MDGA2: variants seen among roughly 807,000 people sequenced by gnomAD.
MDGA2 encodes the protein MAM domain containing glycosylphosphatidylinositol anchor 2, also known as MAM domain-containing glycosylphosphatidylinositol anchor protein 2.
MDGA2 carries 40 observed loss-of-function variants against 117.8 expected under a neutral mutation model. The ratio of observed to expected loss-of-function variants is 0.34; its 90% CI spans 0.26 to 0.44. The LOEUF is 0.44. Ranked by LOEUF, MDGA2 falls within the 20% of genes least tolerant of loss-of-function variation. The pLI is 1.00. For synonymous variants in MDGA2, 452 were observed against 439.0 expected, an observed-to-expected ratio of 1.03 and a Z score of -0.37; for missense variants, 1,123 against 1,250.6, an observed-to-expected ratio of 0.90 and a Z score of 1.54.
In MDGA2 at chr14:47,131,822, T is replaced by C; in HGVS notation, c.817A>G (p.Lys273Glu). ...GCATAGTCCTGAGGTCGAAGATTCT[T>C]TAGTTTTAAGATCTTTGTTTCACCC... ...TQGETKILKL[K>E]NLRPQDYANY... The change falls in exon 5 of 17, where the codon AAG becomes GAG. Residue 273 changes from lysine to glutamate, a missense_variant. Transcript: ENST00000399232. 1 of 1,588,334 alleles carries C rather than the reference T, an allele frequency of 6.3e-7. No individual in the cohort carries two copies. Among genetic ancestry groups the C allele is most frequent in the Non-Finnish European group, 8.6e-7 (1 of 1,161,022 alleles).
Position 46,855,415 on chromosome 14 carries a change from T to C in MDGA2, c.2753-261A>G, listed in dbSNP as rs1329605244. On this transcript the variant is annotated intron_variant, in intron 14 of 16. Coordinates refer to ENST00000399232, the MANE Select transcript of MDGA2 (RefSeq NM_001113498.3). This position sits in a 1 kb window ranked among gnomAD's most constrained non-coding sequence, Gnocchi z 4.1. ...ATTTAAGGATTTTGCAATGGGGAGA[T>C]TATTCTAGATTATTAGGGTGAGTCC... Among the ~76,000 whole-genome samples, 1 of 152,106 alleles carries C rather than the reference T, an allele frequency of 6.6e-6. No homozygotes were observed. Among genetic ancestry groups the C allele is most frequent in the Non-Finnish European group, 1.5e-5 (1 of 68,006 alleles).
chr14:47,371,501 C>T (rs1052826342), intron 1 of MDGA2, among the ~76,000 whole-genome samples: 2 of 151,704 alleles, frequency 1.3e-5, no homozygotes, highest in Non-Finnish European at 3.0e-5. Context: ...ACCCCAGGCA[C>T]ATTTTTATAT....
At chr14:46,921,336 G>C (rs115755421) in intron 9 of MDGA2, among the ~76,000 whole-genome samples, 3 of 151,320 alleles carry the variant, frequency 2.0e-5, no homozygotes, top group East Asian at 1.9e-4. Context: ...TGTAGGGCTC[G>C]TGCCTATAAT....
intron 2 of MDGA2, among the ~76,000 whole-genome samples, chr14:47,218,993 G>A (rs1372561525): frequency 6.6e-6 from 1 of 151,984 alleles, no homozygotes; most frequent in Non-Finnish European, 1.5e-5. Context: ...GTATTTTAGT[G>A]TATAAAACCT....
intron 8 of MDGA2, among the ~76,000 whole-genome samples, chr14:47,014,077 G>A (rs896058506): frequency 6.6e-6 from 1 of 151,904 alleles, no homozygotes; most frequent in Non-Finnish European, 1.5e-5. Flanking sequence ...TTACAGGCTT[G>A]AGCCACTGCC....
rs1594575383 is a variant in MDGA2 at position 47,057,650 on chromosome 14, TCCCCTCCCCTCCTTTC to T, written c.1525+3583_1525+3598del. ...TCCCCTCCCCTCCCCTCCTTTCCCC[TCCCCTCCCCTCCTTTC>T]CCCTCCCTTCTTCTCTCCTCTCCAA... is the stretch of plus-strand genomic sequence containing the variant. On this transcript the variant is annotated intron_variant, in intron 7 of 16. Coordinates refer to ENST00000399232, the MANE Select transcript of MDGA2 (RefSeq NM_001113498.3). Among the ~76,000 whole-genome samples, 2 of 125,242 alleles carry T rather than the reference TCCCCTCCCCTCCTTTC, an allele frequency of 1.6e-5. 1 individual carries two copies. The highest frequency in any genetic ancestry group is 3.4e-5 in the Non-Finnish European group (2 of 59,464). 82.2% of individuals were successfully genotyped at this position (125,242 alleles called of 152,430 possible).
At chr14:46,985,888 T>C (rs1043951036) in intron 8 of MDGA2, among the ~76,000 whole-genome samples, 2 of 152,100 alleles carry the variant, frequency 1.3e-5, no homozygotes, top group African/African-American at 4.8e-5. Context: ...TTATTCACCT[T>C]ATTGAGAGTC....
intron 1 of MDGA2, among the ~76,000 whole-genome samples, chr14:47,433,816 G>A (rs1892845757): frequency 6.6e-6 from 1 of 152,070 alleles, no homozygotes; most frequent in Non-Finnish European, 1.5e-5. Context: ...AGCTATGCAG[G>A]AAACTAATAC....
intron 3 of MDGA2, among the ~76,000 whole-genome samples, chr14:47,176,967 C>T (rs1321779458): frequency 2.6e-5 from 4 of 152,162 alleles, no homozygotes; most frequent in South Asian, 2.1e-4. Context: ...AAAAAACAAA[C>T]AACCCCATCA....
At chr14:47,469,490 T>C (rs1594872894) in intron 1 of MDGA2, among the ~76,000 whole-genome samples, 1 of 152,234 alleles carries the variant, frequency 6.6e-6, no homozygotes, top group Non-Finnish European at 1.5e-5. Context: ...GAACTCATCA[T>C]TTTTATGGCT....
intron 8 of MDGA2, among the ~76,000 whole-genome samples, chr14:46,959,246 T>TAA (rs1885686588): frequency 1.4e-5 from 1 of 70,334 alleles, no homozygotes; most frequent in East Asian, 3.0e-4. Flanking sequence ...CCAGCAATGC[T>TAA]ATATATGTGT....
chr14:47,132,173 T>A (rs567975162), intron 4 of MDGA2, among the ~76,000 whole-genome samples: 1 of 151,932 alleles, frequency 6.6e-6, no homozygotes, highest in African/African-American at 2.4e-5. Context: ...TGCAAATTAT[T>A]ATGCAAAGAT....
At chr14:47,539,405 C>A (rs1895291739) in intron 1 of MDGA2, among the ~76,000 whole-genome samples, 2 of 152,142 alleles carry the variant, frequency 1.3e-5, no homozygotes, top group Admixed American at 1.3e-4. Flanking sequence ...TTAAGATGTA[C>A]AAAGGAGAAA....
chr14:47,225,344 A>T (rs1335596801), intron 2 of MDGA2, among the ~76,000 whole-genome samples: 1 of 151,860 alleles, frequency 6.6e-6, no homozygotes, highest in Non-Finnish European at 1.5e-5. Context: ...TCATGCTGCT[A>T]TAAAGACACA....
At chr14:46,971,732 AAAAAATAGCT>A (rs1161194633) in intron 8 of MDGA2, among the ~76,000 whole-genome samples, 9 of 152,120 alleles carry the variant, frequency 5.9e-5, no homozygotes, top group South Asian at 2.1e-4. Context: ...GTAAACAGTT[AAAAAATAGCT>A]AAAAATAGCT....
At chr14:47,320,321 G>A (rs1191790904) in intron 1 of MDGA2, among the ~76,000 whole-genome samples, 1 of 152,118 alleles carries the variant, frequency 6.6e-6, no homozygotes, top group Non-Finnish European at 1.5e-5. Context: ...GTTCAAGGCT[G>A]CAGTGAGCTA....
intron 6 of MDGA2, among the ~76,000 whole-genome samples, chr14:47,096,305 T>A (rs1006072624): frequency 6.6e-6 from 1 of 152,074 alleles, no homozygotes; most frequent in African/African-American, 2.4e-5. Flanking sequence ...ATACATTTTT[T>A]AATTTCTATA....
intron 14 of MDGA2, among the ~76,000 whole-genome samples, chr14:46,860,655 G>GT (rs527867998): frequency 6.9e-4 from 104 of 151,678 alleles, no homozygotes; most frequent in Non-Finnish European, 1.2e-3. Flanking sequence ...AAACCATATT[G>GT]TTTTTTTCTG....
intron 1 of MDGA2, among the ~76,000 whole-genome samples, chr14:47,530,664 CT>C (rs1895079535): frequency 6.6e-6 from 1 of 152,110 alleles, no homozygotes; most frequent in South Asian, 2.1e-4. Flanking sequence ...AGTGACCCCC[CT>C]GGACCCCCTA....
Sources: gnomAD v4.1 joint callset for allele counts (sites outside exome capture counted in the v4.1 genomes callset) on GRCh38, gnomAD v4.1.1 for gene constraint, Gnocchi (gnomAD v3.1) non-coding constraint, MANE v1.5 for transcripts, NCBI Gene and HGNC (gene_info 2026-07-23, HGNC 2026-07-21) for gene names.